Variants in EFCAB14 observed in about 807,000 individuals in gnomAD.
EFCAB14 encodes EF-hand calcium-binding domain-containing protein 14.
EFCAB14 carries 43 observed loss-of-function variants against 56.5 expected under a neutral mutation model. That is an observed-to-expected ratio of 0.76 (90% CI 0.60 to 0.98). EFCAB14 has a LOEUF of 0.98. Among genes scored for constraint, EFCAB14 ranks in the 50% least tolerant of loss-of-function variants. EFCAB14 has a pLI of 0.00. For synonymous variants in EFCAB14, 235 were observed against 212.9 expected, an observed-to-expected ratio of 1.10 and a Z score of -0.90; for missense variants, 538 against 580.3, an observed-to-expected ratio of 0.93 and a Z score of 0.75.
chr1:46,694,233 C>G (rs1388803877), intron 4 of EFCAB14, among the ~76,000 whole-genome samples: 1 of 152,160 alleles, frequency 6.6e-6, no homozygotes, highest in African/African-American at 2.4e-5. Flanking sequence ...CAAATGGGAT[C>G]TAACTAAACT....
rs1677429955 is a variant in EFCAB14 at position 46,718,293 on chromosome 1, T to G, written c.-206A>C. On this transcript the variant is annotated 5_prime_UTR_variant, in exon 1 of 11. Coordinates refer to ENST00000371933, the MANE Select transcript of EFCAB14 (RefSeq NM_014774.3). ...CAGAGGAAACTGGAACTCAGATGGG[T>G]GGGGGAAATCACATAGAAATGGCCA... 2 of 527,672 alleles carry G rather than the reference T, an allele frequency of 3.8e-6. No homozygotes were observed. The highest frequency in any genetic ancestry group is 5.4e-5 in the South Asian group (2 of 36,944). 32.7% of individuals were successfully genotyped at this position (527,672 alleles called of 1,614,324 possible). A position where few individuals can be genotyped will look rare whatever the true frequency, so the allele number is the denominator to read the frequency against.
In EFCAB14 at chr1:46,677,377, A is replaced by AT. The variant is rs1307572477; in HGVS notation, c.*1083dup. On this transcript the variant is annotated 3_prime_UTR_variant, in exon 11 of 11. Transcript: ENST00000371933. ...TCTCACAGCCTTTTTGGCTTTAGTC[A>AT]TCCCCCAGAGAAACATATTAGGCTC... is the stretch of plus-strand genomic sequence containing the variant. 2 of 152,178 alleles carry AT rather than the reference A, an allele frequency of 1.3e-5. No homozygotes were observed. The highest frequency in any genetic ancestry group is 2.9e-5 in the Non-Finnish European group (2 of 68,042). 9.4% of individuals were successfully genotyped at this position (152,178 alleles called of 1,614,324 possible).
chr1:46,688,211 G>T, intron 7 of EFCAB14, 142 bp downstream of exon 7: 1 of 783,192 alleles, frequency 1.3e-6, no homozygotes, highest in Non-Finnish European at 2.1e-6. Context: ...GATTAAATGA[G>T]ACAACACATT....
intron 8 of EFCAB14, chr1:46,684,980 T>C (rs115835787): frequency 6.0e-4 from 100 of 167,994 alleles, no homozygotes; most frequent in Non-Finnish European, 1.1e-3. Flanking sequence ...ACTAACTAAA[T>C]AACTTTCCGA....
At position 46,708,014 on chromosome 1, in the gene EFCAB14, G is replaced by T. The variant is rs753567657; in HGVS notation, c.372C>A (p.Pro124=). ...SNQKSSFQEI[P]KLNEELLSKQ... ...TGCTGAGTAGTTCTTCATTAAGTTT[G>T]GGGATTTCTTGGAATGAGCTTTTCT... The change falls in exon 3 of 11, where the codon CCC becomes CCA. Residue 124 remains proline, a synonymous_variant. Coordinates refer to ENST00000371933, the MANE Select transcript of EFCAB14 (RefSeq NM_014774.3). The T allele has an allele frequency of 4.3e-6, 7 of 1,612,418 alleles. No homozygotes were observed. The South Asian group carries it at 7.7e-5, about 18-fold the overall frequency.
chr1:46,679,596 C>T (rs1460448696), intron 10 of EFCAB14, among the ~76,000 whole-genome samples: 2 of 79,474 alleles, frequency 2.5e-5, no homozygotes, highest in African/African-American at 3.6e-5. Flanking sequence ...AACCACCACG[C>T]CTGTTTTTTT....
rs201898632 is a variant in EFCAB14, at chr1:46,716,407, C to G, written c.222G>C (p.Pro74=). 1 of 1,614,050 alleles carries G rather than the reference C, an allele frequency of 6.2e-7. No individual in the cohort carries two copies. The highest frequency in any genetic ancestry group is 1.1e-5 in the South Asian group (1 of 91,078). ...DYLRCCKICY[P]LCGFVILAAC... Reference sequence around the variant, plus strand: ...CAGCAAGGATGACAAAACCACAGAGCGGATAACAGATCTTGCAGCATCGTA... The same window carrying G: ...CAGCAAGGATGACAAAACCACAGAGGGGATAACAGATCTTGCAGCATCGTA... Residue 74 remains proline, a synonymous_variant, in exon 2 of 11, where the codon CCG becomes CCC. Transcript: ENST00000371933.
chr1:46,688,524 G>A lies in EFCAB14; in HGVS notation c.816C>T (p.Asn272=). The change falls in exon 7 of 11, where the codon AAC becomes AAT. Residue 272 remains asparagine, a synonymous_variant. Coordinates refer to ENST00000371933, the MANE Select transcript of EFCAB14 (RefSeq NM_014774.3). ...NLKQDILYLH[N]SLEEVNSALV... ...GGGCACTGTTTACCTCCTCTAAAGAGTTGTGAAGGTACAGGATATCCTAGA... is the reference window on the plus strand; with the variant it reads ...GGGCACTGTTTACCTCCTCTAAAGAATTGTGAAGGTACAGGATATCCTAGA... The A allele has an allele frequency of 1.9e-6, 3 of 1,613,350 alleles. No homozygotes were observed. Among genetic ancestry groups the A allele is most frequent in the Non-Finnish European group, 2.5e-6 (3 of 1,179,592 alleles).
At chr1:46,697,852 CTCTTTT>C (rs1557445896) in intron 3 of EFCAB14, among the ~76,000 whole-genome samples, 1 of 117,666 alleles carries the variant, frequency 8.5e-6, no homozygotes, top group Non-Finnish European at 1.6e-5. Flanking sequence ...TTCTCTCTCT[CTCTTTT>C]TTTTTTTTTT....
chr1:46,683,986 G>A (rs1355884374), intron 9 of EFCAB14, among the ~76,000 whole-genome samples: 1 of 152,174 alleles, frequency 6.6e-6, no homozygotes, highest in Non-Finnish European at 1.5e-5. Context: ...CAGTGCCTTG[G>A]TTATGTCCTC....
chr1:46,705,714 G>A lies in EFCAB14; in HGVS notation c.480+2192C>T, dbSNP rs139205647. 6.6e-4 allele frequency among the ~76,000 whole-genome samples: 100 copies of A among 152,130 alleles called. No homozygotes were observed. The East Asian group carries it at 0.019, about 28-fold the overall frequency. ...GACCCGATCCTGCGCTGAAATAAACGGATAAATATTTTACTTGCTTTTATT... is the reference window on the plus strand; with the variant it reads ...GACCCGATCCTGCGCTGAAATAAACAGATAAATATTTTACTTGCTTTTATT... On this transcript the variant is annotated intron_variant, in intron 3 of 10. Coordinates refer to ENST00000371933, the MANE Select transcript of EFCAB14 (RefSeq NM_014774.3).
chr1:46,718,188 A>T lies in EFCAB14; in HGVS notation c.-101T>A. 1 of 1,331,784 alleles carries T rather than the reference A, an allele frequency of 7.5e-7. No individual in the cohort carries two copies. Among genetic ancestry groups the T allele is most frequent in the Non-Finnish European group, 1.0e-6 (1 of 966,374 alleles). 82.5% of individuals were successfully genotyped at this position (1,331,784 alleles called of 1,614,324 possible). A position where few individuals can be genotyped will look rare whatever the true frequency, so the allele number is the denominator to read the frequency against. ...CTTGGAGCTGCCTTCCAGGGTTGGG[A>T]ATCCTGGGCCAGAGCCCCCTGGTCA... On this transcript the variant is annotated 5_prime_UTR_variant, in exon 1 of 11. Coordinates refer to ENST00000371933, the MANE Select transcript of EFCAB14 (RefSeq NM_014774.3).
At position 46,688,406 on chromosome 1, in the gene EFCAB14, C is replaced by A; in HGVS notation, c.934G>T (p.Asp312Tyr). 6.2e-7 allele frequency: 1 copy of A among 1,613,996 alleles called. No individual in the cohort carries two copies. The highest frequency in any genetic ancestry group is 8.5e-7 in the Non-Finnish European group (1 of 1,179,912). Residue 312 changes from aspartate (D) to tyrosine (Y), a missense_variant, in exon 7 of 11, where the codon GAT becomes TAT. Transcript: ENST00000371933. ...LTQRVNLIES[D>Y]VVAMSKVEKK... ...TCTACCTTGCTCATAGCAACCACAT[C>A]GCTTTCTATCAGGTTGACTCTCTGG...
In EFCAB14 at chr1:46,689,677, CAAG is replaced by C. The variant is rs1676959050; in HGVS notation, c.702_704del (p.Phe234del). ...TCTGGTTGCTTCCAGGAGTCTCCTT[CAAG>C]AAGTGCTGATTCTGTTAAGAGGAAA... On this transcript the variant is annotated inframe_deletion, in exon 6 of 11. Transcript: ENST00000371933. 1.9e-6 allele frequency: 3 copies of C among 1,613,780 alleles called. No homozygotes were observed. In the East Asian group the frequency reaches 6.7e-5, roughly 36 times the overall value.
intron 4 of EFCAB14, 142 bp downstream of exon 4, chr1:46,696,409 A>G: frequency 1.3e-6 from 1 of 780,038 alleles, no homozygotes; most frequent in Non-Finnish European, 2.1e-6. Flanking sequence ...ACAGTGATAC[A>G]CTCCATTACT....
chr1:46,678,479 C>A lies in EFCAB14; in HGVS notation c.1470G>T (p.Arg490Ser). The change falls in exon 11 of 11, where the codon AGG (arginine) becomes AGT (serine). Residue 490 changes from arginine (R) to serine (S), a missense_variant. Physicochemically the swap from Arg to Ser is moderately radical, Grantham distance 110 (BLOSUM62 -1). Transcript: ENST00000371933. ...GATGAAGCTAGATACCTAAAGCTACCCTTAGCTCCAGGAATGAGTATCTTC... is the reference window on the plus strand; with the variant it reads ...GATGAAGCTAGATACCTAAAGCTACACTTAGCTCCAGGAATGAGTATCTTC... ...GDGRYSFLEL[R>S]VALGI The A allele has an allele frequency of 6.2e-7, 1 of 1,613,966 alleles. No individual in the cohort carries two copies.
intron 6 of EFCAB14, 27 bp from the exon 7 acceptor site, chr1:46,688,571 G>C (rs756706937): frequency 1.7e-5 from 27 of 1,599,950 alleles, no homozygotes; most frequent in Middle Eastern, 1.7e-4. Flanking sequence ...TAAAGTTATG[G>C]AATCCACTAA....
Position 46,689,608 on chromosome 1 carries a change from G to T in EFCAB14, c.774C>A (p.Thr258=). The T allele has an allele frequency of 6.2e-7, 1 of 1,613,856 alleles. No homozygotes were observed. The highest frequency in any genetic ancestry group is 1.7e-5 in the Admixed American group (1 of 60,006). The change falls in exon 6 of 11, where the codon ACC becomes ACA. Residue 258 remains threonine (T), a synonymous_variant. Transcript: ENST00000371933. ...GCACCTGTTTCAAATTCTCACTGTGGGTTTTATTGTCAAGTTCTGATGTGG... is the reference window on the plus strand; with the variant it reads ...GCACCTGTTTCAAATTCTCACTGTGTGTTTTATTGTCAAGTTCTGATGTGG... ...PSATSELDNK[T]HSENLKQDIL... is the part of the protein sequence containing the mutation.
chr1:46,684,275 ACAT>A, intron 9 of EFCAB14: 1 of 523,222 alleles, frequency 1.9e-6, no homozygotes, highest in Non-Finnish European at 3.4e-6. Context: ...TTCCAGCTAA[ACAT>A]TACCAATTCT....
Sources: allele counts gnomAD v4.1 joint callset (sites outside exome capture counted in the v4.1 genomes callset), GRCh38; gene constraint gnomAD v4.1.1; transcripts MANE v1.5; gene names NCBI Gene and HGNC (gene_info 2026-07-23, HGNC 2026-07-21).